DYM: variants seen among roughly 807,000 people sequenced by gnomAD.
DYM encodes dymeclin, also known as dyggve-Melchior-Clausen syndrome protein.
In DYM, 78 loss-of-function variants were observed where a neutral mutation model predicts 93.1. The ratio of observed to expected loss-of-function variants is 0.84; its 90% confidence interval spans 0.70 to 1.01. The LOEUF is 1.01. Among genes scored for constraint, DYM ranks in the 50% least tolerant of loss-of-function variants. The pLI is 0.00. For missense variants in DYM, 789 were observed against 845.0 expected (o/e 0.93, Z 0.82); for synonymous variants, 321 against 319.7 (o/e 1.00, Z -0.04).
rs545394926 is a variant in DYM at position 49,272,856 on chromosome 18, T to A, written c.1126-553A>T. On this transcript the variant is annotated intron_variant, in intron 10 of 17. Coordinates refer to ENST00000675505, the MANE Select transcript of DYM (RefSeq NM_001353214.3). ...TTTCATTTCATAATGCTGTTTACCA[T>A]TGTGCTTATTTCAAATCATTGACAC... Among the ~76,000 whole-genome samples the A allele has an allele frequency of 3.3e-5, 5 of 152,282 alleles. No homozygotes were observed. In the South Asian group the frequency reaches 1.0e-3, roughly 32 times the overall value.
intron 1 of DYM, among the ~76,000 whole-genome samples, chr18:49,448,741 A>G (rs1350021752): frequency 1.3e-5 from 2 of 152,238 alleles, no homozygotes; most frequent in African/African-American, 4.8e-5. Context: ...AGTGGGTACC[A>G]TCTTCATCCT....
intron 15 of DYM, among the ~76,000 whole-genome samples, chr18:49,159,750 C>T (rs1371951990): frequency 6.6e-6 from 1 of 152,118 alleles, no homozygotes; most frequent in Non-Finnish European, 1.5e-5. Flanking sequence ...GTCAGTCCTA[C>T]AGAAAGATTC....
chr18:49,156,752 A>G (rs972318784), intron 15 of DYM, among the ~76,000 whole-genome samples: 1 of 151,502 alleles, frequency 6.6e-6, no homozygotes, highest in Non-Finnish European at 1.5e-5. Flanking sequence ...AAAAAAAAAA[A>G]AAAGTGTGGA....
chr18:49,118,284 A>C (rs945554269), intron 16 of DYM, among the ~76,000 whole-genome samples: 1 of 152,052 alleles, frequency 6.6e-6, no homozygotes, highest in South Asian at 2.1e-4. Context: ...TCCAGCTTTA[A>C]AACCATATCA....
intron 14 of DYM, among the ~76,000 whole-genome samples, chr18:49,192,134 T>TTGC (rs1182951476): frequency 6.8e-6 from 1 of 147,418 alleles, no homozygotes; most frequent in Non-Finnish European, 1.5e-5. Flanking sequence ...AGACAGAGTC[T>TTGC]TGCCTAAGCT....
chr18:49,298,915 T>A (rs991676069), intron 8 of DYM, among the ~76,000 whole-genome samples: 13 of 152,164 alleles, frequency 8.5e-5, no homozygotes, highest in Non-Finnish European at 1.9e-4. Flanking sequence ...ACAAAATAAA[T>A]GTAAAAGCCT....
intron 17 of DYM, chr18:49,093,210 G>A (rs1187576005): frequency 1.3e-5 from 2 of 152,150 alleles, no homozygotes; most frequent in African/African-American, 2.4e-5. Flanking sequence ...GAGCATGATC[G>A]GCTCACCTGA....
At chr18:49,436,076 G>T (rs1472351635) in intron 1 of DYM, among the ~76,000 whole-genome samples, 1 of 152,182 alleles carries the variant, frequency 6.6e-6, no homozygotes, top group African/African-American at 2.4e-5. Context: ...GCAGTGGCAT[G>T]AACATAATTC....
chr18:49,326,992 CGTGTGTGTGTGTGTGTGTGT>C (rs10584298), intron 8 of DYM, among the ~76,000 whole-genome samples: 17 of 93,376 alleles, frequency 1.8e-4, no homozygotes, highest in South Asian at 1.4e-3. Flanking sequence ...TTTAAAAAAC[CGTGTGTGTGTGTGTGTGTGT>C]GTGTGTGTGT....
chr18:49,263,143 A>T (rs2094516143), intron 11 of DYM, among the ~76,000 whole-genome samples: 1 of 150,868 alleles, frequency 6.6e-6, no homozygotes, highest in Non-Finnish European at 1.5e-5. Context: ...TTTGAGTTGG[A>T]GCCTCACTCT....
intron 8 of DYM, among the ~76,000 whole-genome samples, chr18:49,296,607 G>T (rs932661688): frequency 2.6e-5 from 4 of 152,016 alleles, no homozygotes; most frequent in African/African-American, 7.3e-5. Context: ...TTGGTGGGGG[G>T]AAATAGTTCA....
intron 14 of DYM, among the ~76,000 whole-genome samples, chr18:49,182,978 G>A (rs1016921591): frequency 6.6e-6 from 1 of 152,166 alleles, no homozygotes; most frequent in African/African-American, 2.4e-5. Flanking sequence ...TCTGTGTGAA[G>A]AAAACCCCAC....
At chr18:49,384,603 A>ACACAGCAGCACTCCAGCCTGGGG (rs2068395478) in intron 3 of DYM, among the ~76,000 whole-genome samples, 1 of 143,830 alleles carries the variant, frequency 7.0e-6, no homozygotes, top group Admixed American at 6.9e-5. Context: ...CCAGCCTGGG[A>ACACAGCAGCACTCCAGCCTGGGG]GACACAGCAA....
At chr18:49,057,693 C>G (rs552945106) in intron 17 of DYM, among the ~76,000 whole-genome samples, 1 of 152,202 alleles carries the variant, frequency 6.6e-6, no homozygotes, top group Admixed American at 6.5e-5. Context: ...TGGCAACTGT[C>G]GCACTGATCA....
At chr18:49,163,811 AT>A in intron 14 of DYM, 24 bp from the exon 15 acceptor site, 1 of 1,453,844 alleles carries the variant, frequency 6.9e-7, no homozygotes, top group Admixed American at 1.8e-5. Context: ...CAAAAAACCA[AT>A]TATATTAAAG....
rs545393726 is a variant in DYM at position 49,148,648 on chromosome 18, C to T, written c.1728+15037G>A. On this transcript the variant is annotated intron_variant, in intron 15 of 17. Transcript: ENST00000675505. Reference sequence around the variant, plus strand: ...TAGTAAATTAAAGTTAGCTTAAAAACAGAACTCAGGTCTTCTAATTCTCAG... The same window carrying T: ...TAGTAAATTAAAGTTAGCTTAAAAATAGAACTCAGGTCTTCTAATTCTCAG... Among the ~76,000 whole-genome samples the T allele has an allele frequency of 1.3e-3, 202 of 152,322 alleles. 1 individual carries two copies. The highest frequency in any genetic ancestry group is 4.5e-3 in the African/African-American group (188 of 41,574).
intron 14 of DYM, among the ~76,000 whole-genome samples, chr18:49,184,532 AC>A (rs1270656056): frequency 1.3e-5 from 2 of 152,074 alleles, no homozygotes; most frequent in Non-Finnish European, 2.9e-5. Context: ...ACATTCTAAG[AC>A]CCCCAGTGGA....
At chr18:49,174,722 T>C (rs578143404) in intron 14 of DYM, among the ~76,000 whole-genome samples, 1 of 152,278 alleles carries the variant, frequency 6.6e-6, no homozygotes, top group African/African-American at 2.4e-5. Context: ...CTGCTTTTTC[T>C]CTCTGGTTAG....
At chr18:49,312,704 T>C (rs892046830) in intron 8 of DYM, among the ~76,000 whole-genome samples, 2 of 152,136 alleles carry the variant, frequency 1.3e-5, no homozygotes, top group African/African-American at 4.8e-5. Context: ...GTACAAGCTA[T>C]AACACAGGTG....
Sources: allele counts gnomAD v4.1 joint callset (sites outside exome capture counted in the v4.1 genomes callset), GRCh38; gene constraint gnomAD v4.1.1; transcripts MANE v1.5; gene names NCBI Gene and HGNC (gene_info 2026-07-23, HGNC 2026-07-21).